The following SRPK2 variants were observed in gnomAD, a reference collection of about 807,000 sequenced individuals.
SRPK2 encodes SFRS protein kinase 2.
SRPK2 carries 21 observed loss-of-function variants against 90.8 expected under a neutral mutation model. The observed-to-expected ratio is 0.23, with a 90% CI of 0.16 to 0.33. SRPK2 has a LOEUF of 0.33. Among genes scored for constraint, SRPK2 ranks in the 10% least tolerant of loss-of-function variants. The pLI is 1.00. For missense variants in SRPK2, 620 were observed against 869.0 expected, an observed-to-expected ratio of 0.71 and a Z score of 3.60; for synonymous variants, 288 against 311.1, an observed-to-expected ratio of 0.93 and a Z score of 0.78.
chr7:105,363,444 C>T (rs544282911), intron 2 of SRPK2, among the ~76,000 whole-genome samples: 3 of 152,208 alleles, frequency 2.0e-5, no homozygotes, highest in South Asian at 4.1e-4. Flanking sequence ...TCATCACTGG[C>T]CATCAGAGAA....
At chr7:105,214,532 A>C (rs927969360) in intron 2 of SRPK2, among the ~76,000 whole-genome samples, 1 of 152,234 alleles carries the variant, frequency 6.6e-6, no homozygotes, top group Non-Finnish European at 1.5e-5. Context: ...TATCAATAGG[A>C]AACTTGTTAA....
intron 3 of SRPK2, among the ~76,000 whole-genome samples, chr7:105,177,236 AG>A (rs1792088775): frequency 6.6e-6 from 1 of 152,194 alleles, no homozygotes; most frequent in South Asian, 2.1e-4. Context: ...AAAAGCACTG[AG>A]AATAGACGGC....
intron 2 of SRPK2, among the ~76,000 whole-genome samples, chr7:105,309,397 G>A (rs1811466899): frequency 6.6e-6 from 1 of 152,154 alleles, no homozygotes; most frequent in Admixed American, 6.5e-5. Flanking sequence ...AAGTATCCTA[G>A]GATAGTTATT....
intron 2 of SRPK2, among the ~76,000 whole-genome samples, chr7:105,261,637 A>G (rs570645449): frequency 3.9e-5 from 6 of 152,350 alleles, no homozygotes; most frequent in Admixed American, 3.9e-4. Context: ...ACAGAAAGAG[A>G]TAACTCCCCA....
At chr7:105,170,462 G>A (rs546463432) in intron 3 of SRPK2, among the ~76,000 whole-genome samples, 2 of 152,030 alleles carry the variant, frequency 1.3e-5, no homozygotes, top group African/African-American at 4.8e-5. Flanking sequence ...GGAGGCCAAG[G>A]CGGGCAGATC....
At chr7:105,380,072 G>C (rs951728876) in intron 2 of SRPK2, among the ~76,000 whole-genome samples, 25 of 152,214 alleles carry the variant, frequency 1.6e-4, no homozygotes, top group African/African-American at 6.0e-4. Context: ...ACCCAAGAGG[G>C]TGAAAGCGGC....
intron 2 of SRPK2, among the ~76,000 whole-genome samples, chr7:105,235,674 A>G (rs2299313): frequency 0.18 from 27,704 of 152,218 alleles, 3,193 homozygotes; most frequent in East Asian, 0.58. Context: ...CATGAGAAAC[A>G]TTCAACATTT....
rs1351738141 is a variant in SRPK2, at chr7:105,137,140, G to A, written c.1544-4036C>T. On this transcript the variant is annotated intron_variant, in intron 11 of 15. Transcript: ENST00000393651. The stretch of plus-strand genomic sequence containing the variant: ...AAAGTAAGAGAAGTTTGAGGCAAAG[G>A]ACACGGGAAGTACAAAAATCCTAAG... Among the ~76,000 whole-genome samples, 3 of 152,286 alleles carry A rather than the reference G, an allele frequency of 2.0e-5. No individual in the cohort carries two copies. In the Middle Eastern group the frequency reaches 0.01, roughly 518 times the overall value.
chr7:105,299,432 A>T (rs1810255326), intron 2 of SRPK2, among the ~76,000 whole-genome samples: 2 of 152,360 alleles, frequency 1.3e-5, no homozygotes, highest in South Asian at 4.1e-4. Context: ...ACCTAAAAAG[A>T]CACTAAAGCT....
At chr7:105,132,729 C>G (rs773050726) in intron 13 of SRPK2, 62 bp downstream of exon 13, 46 of 1,336,256 alleles carry the variant, frequency 3.4e-5, no homozygotes, top group Non-Finnish European at 4.8e-5. Flanking sequence ...GACTCAGCCC[C>G]ATCCAGAGTG....
intron 2 of SRPK2, among the ~76,000 whole-genome samples, chr7:105,207,455 T>A (rs1183127595): frequency 6.6e-6 from 1 of 152,120 alleles, no homozygotes; most frequent in Non-Finnish European, 1.5e-5. Context: ...ACAACTTTCA[T>A]CAATCCTAAT....
chr7:105,288,550 C>T (rs1004653673), intron 2 of SRPK2, among the ~76,000 whole-genome samples: 12 of 152,056 alleles, frequency 7.9e-5, no homozygotes, highest in Non-Finnish European at 1.6e-4. Flanking sequence ...GCCAAGAATG[C>T]GCCATTGCAC....
intron 2 of SRPK2, among the ~76,000 whole-genome samples, chr7:105,361,818 A>G (rs982871310): frequency 6.6e-6 from 1 of 152,202 alleles, no homozygotes. Context: ...TTATACAAAA[A>G]TTAATTCAAG....
chr7:105,374,089 G>A (rs1036352007), intron 2 of SRPK2, among the ~76,000 whole-genome samples: 2 of 152,022 alleles, frequency 1.3e-5, no homozygotes, highest in African/African-American at 4.8e-5. Context: ...ACCACGCCCA[G>A]CTAATTTTTA....
chr7:105,258,052 C>T (rs569273271), intron 2 of SRPK2, among the ~76,000 whole-genome samples: 15 of 150,570 alleles, frequency 1.0e-4, no homozygotes, highest in Admixed American at 1.3e-4. Flanking sequence ...TGCAGTGAGC[C>T]GAGATCGTGC....
At chr7:105,338,473 C>G (rs989833083) in intron 2 of SRPK2, among the ~76,000 whole-genome samples, 2 of 152,170 alleles carry the variant, frequency 1.3e-5, no homozygotes, top group African/African-American at 2.4e-5. Context: ...TTTCAAACTC[C>G]TGACCTCAGG....
Position 105,176,555 on chromosome 7 carries a change from A to ATGTG in SRPK2, c.230-7291_230-7290insCACA, listed in dbSNP as rs759052609. Among the ~76,000 whole-genome samples the ATGTG allele has an allele frequency of 3.2e-3, 379 of 119,798 alleles. 1 individual carries two copies. Among genetic ancestry groups the ATGTG allele is most frequent in the South Asian group, 9.3e-3 (34 of 3,654 alleles). The allele number at this position is 119,798 out of a possible 152,430, so 78.6% of individuals were successfully genotyped here. The stretch of plus-strand genomic sequence containing the variant: ...CACAGAGATGTATGTGGTTTTGCAT[A>ATGTG]TATGTGTGTGTGTGTGTGTGTGTGT... On this transcript the variant is annotated intron_variant, in intron 3 of 15. Transcript: ENST00000393651.
At chr7:105,250,527 T>TA (rs1410781836) in intron 2 of SRPK2, among the ~76,000 whole-genome samples, 3 of 152,188 alleles carry the variant, frequency 2.0e-5, no homozygotes, top group Admixed American at 2.0e-4. Context: ...GGTTTTCCCT[T>TA]ACATGCATGC....
At chr7:105,359,397 A>G (rs1196815749) in intron 2 of SRPK2, among the ~76,000 whole-genome samples, 1 of 151,888 alleles carries the variant, frequency 6.6e-6, no homozygotes, top group Non-Finnish European at 1.5e-5. Flanking sequence ...TGACCTTGTG[A>G]TCTGCCCTCC....
Sources: gnomAD v4.1 joint callset for allele counts (sites outside exome capture counted in the v4.1 genomes callset) on GRCh38, gnomAD v4.1.1 for gene constraint, MANE v1.5 for transcripts, NCBI Gene and HGNC (gene_info 2026-07-23, HGNC 2026-07-21) for gene names.